PLXDC1: variants seen among roughly 807,000 people sequenced by gnomAD.
PLXDC1 encodes plexin domain-containing protein 1.
Under a neutral mutation model 61.3 loss-of-function variants are expected in PLXDC1, and 39 were observed. That is an observed-to-expected ratio of 0.64 (90% CI 0.49 to 0.83). The LOEUF is 0.83. Ranked by LOEUF, PLXDC1 falls within the 40% of genes least tolerant of loss-of-function variation. The probability of loss-of-function intolerance (pLI) is 0.00; values close to 1 mark genes in which losing one functional copy is unlikely to be tolerated. For missense variants in PLXDC1, 596 were observed against 666.5 expected, an observed-to-expected ratio of 0.89 and a Z score of 1.17; for synonymous variants, 212 against 254.5, an observed-to-expected ratio of 0.83 and a Z score of 1.59.
intron 2 of PLXDC1, among the ~76,000 whole-genome samples, chr17:39,121,518 A>T (rs1362679651): frequency 6.6e-6 from 1 of 152,174 alleles, no homozygotes; most frequent in Non-Finnish European, 1.5e-5. Context: ...CATTGGGAAA[A>T]AGAGTCCCAT....
intron 2 of PLXDC1, among the ~76,000 whole-genome samples, chr17:39,128,090 T>TATGTGTGTATATATATATATATATATA (rs1567769465): frequency 1.3e-5 from 1 of 78,876 alleles, no homozygotes; most frequent in African/African-American, 5.1e-5. Context: ...TCTCTCTCTC[T>TATGTGTGTATATATATATATATATATA]CTATGTGTAT....
intron 7 of PLXDC1, among the ~76,000 whole-genome samples, chr17:39,092,680 T>C (rs567743233): frequency 4.6e-5 from 7 of 152,300 alleles, no homozygotes; most frequent in African/African-American, 1.7e-4. Flanking sequence ...GGGGACGTTA[T>C]TTGCCCAAAG....
chr17:39,132,660 TGGCAGAGGCACTG>T, intron 2 of PLXDC1, among the ~76,000 whole-genome samples: 1 of 152,184 alleles, frequency 6.6e-6, no homozygotes, highest in Admixed American at 6.5e-5. Flanking sequence ...GGGGGGTGCC[TGGCAGAGGCACTG>T]GGCAGAGAGG....
chr17:39,128,083 C>CTATGTGTATATATATATATATA (rs2143831969), intron 2 of PLXDC1, among the ~76,000 whole-genome samples: 1 of 96,084 alleles, frequency 1.0e-5, no homozygotes, highest in South Asian at 3.8e-4. Flanking sequence ...CTCTCTCTCT[C>CTATGTGTATATATATATATATA]TCTCTCTCTA....
chr17:39,129,317 CAAA>C (rs35923960), intron 2 of PLXDC1, among the ~76,000 whole-genome samples: 37 of 109,078 alleles, frequency 3.4e-4, no homozygotes, highest in Admixed American at 5.0e-4. Flanking sequence ...GACTCTGTCT[CAAA>C]AAAAAAAAAA....
chr17:39,124,544 G>C (rs1178816228), intron 2 of PLXDC1, among the ~76,000 whole-genome samples: 2 of 152,190 alleles, frequency 1.3e-5, no homozygotes, highest in Non-Finnish European at 2.9e-5. Context: ...AGTGAACTAT[G>C]TTCACGCCAC....
chr17:39,126,887 T>C (rs745465045), intron 2 of PLXDC1: 39 of 152,174 alleles, frequency 2.6e-4, no homozygotes, highest in Non-Finnish European at 5.0e-4. Flanking sequence ...AACGATGTCA[T>C]TGGAGGACCT....
intron 2 of PLXDC1, among the ~76,000 whole-genome samples, chr17:39,118,569 G>A (rs556663300): frequency 2.0e-5 from 3 of 152,230 alleles, no homozygotes; most frequent in East Asian, 3.9e-4. Context: ...TAAAATTTCA[G>A]GTGTGACATT....
chr17:39,113,842 T>C (rs62076659), intron 2 of PLXDC1, among the ~76,000 whole-genome samples: 14,561 of 119,452 alleles, frequency 0.12, 802 homozygotes, highest in Non-Finnish European at 0.16. Flanking sequence ...ACAGTGAGAC[T>C]CTGTCTCAAA....
intron 2 of PLXDC1, among the ~76,000 whole-genome samples, chr17:39,119,561 A>G (rs1911093019): frequency 1.3e-5 from 2 of 152,118 alleles, no homozygotes; most frequent in South Asian, 4.1e-4. Context: ...CCTGGGCAAC[A>G]TGTTGAAACC....
intron 2 of PLXDC1, among the ~76,000 whole-genome samples, chr17:39,127,472 A>G (rs1170017861): frequency 6.6e-6 from 1 of 152,094 alleles, no homozygotes; most frequent in Non-Finnish European, 1.5e-5. Context: ...TTGCAATAAC[A>G]CTTCAGACAA....
chr17:39,131,371 G>A (rs1218481381), intron 2 of PLXDC1, among the ~76,000 whole-genome samples: 1 of 147,692 alleles, frequency 6.8e-6, no homozygotes, highest in African/African-American at 2.5e-5. Context: ...TTTTTTTTTA[G>A]GCGACAGAAT....
intron 9 of PLXDC1, among the ~76,000 whole-genome samples, chr17:39,081,835 G>T (rs1451005598): frequency 6.6e-6 from 1 of 151,960 alleles, no homozygotes; most frequent in Admixed American, 6.6e-5. Context: ...TTCAACTACA[G>T]GGGGGACTGA....
Position 39,106,489 on chromosome 17 carries a change from AT to A in PLXDC1, c.712-537del, listed in dbSNP as rs1195111417. Among the ~76,000 whole-genome samples the A allele has an allele frequency of 9.1e-5, 13 of 143,338 alleles. No homozygotes were observed. In the East Asian group the frequency reaches 1.0e-3, roughly 11 times the overall value. The allele number at this position is 143,338 out of a possible 152,430, so 94.0% of individuals were successfully genotyped here. Reference sequence around the variant, plus strand: ...CCTTCCAACCATGCTGCCTTCTTCTATTTTTTTTTTAATAGAGGTGTGTGTC... The same window carrying A: ...CCTTCCAACCATGCTGCCTTCTTCTATTTTTTTTTAATAGAGGTGTGTGTC... On this transcript the variant is annotated intron_variant, in intron 6 of 13. Transcript: ENST00000315392.
rs1156605215 is a variant in PLXDC1, at chr17:39,128,081, C to A, written c.255+11573G>T. 7.1e-5 allele frequency among the ~76,000 whole-genome samples: 7 copies of A among 98,204 alleles called. No individual in the cohort carries two copies. In the South Asian group the frequency reaches 1.5e-3, roughly 20 times the overall value. 64.4% of individuals were successfully genotyped at this position (98,204 alleles called of 152,430 possible). A position where few individuals can be genotyped will look rare whatever the true frequency, so the allele number is the denominator to read the frequency against. On this transcript the variant is annotated intron_variant, in intron 2 of 13. Transcript: ENST00000315392. Reference sequence around the variant, plus strand: ...TCTCTCTCTCTGTCTCTCTCTCTCTCTCTCTCTCTCTATGTGTATATATAT... The same window carrying A: ...TCTCTCTCTCTGTCTCTCTCTCTCTATCTCTCTCTCTATGTGTATATATAT...
At chr17:39,122,269 G>T (rs1354647372) in intron 2 of PLXDC1, among the ~76,000 whole-genome samples, 1 of 150,524 alleles carries the variant, frequency 6.6e-6, no homozygotes, top group Non-Finnish European at 1.5e-5. Flanking sequence ...GCCAGGCGTG[G>T]TGAGGCACAC....
At chr17:39,078,702 T>A (rs189685790) in intron 10 of PLXDC1, among the ~76,000 whole-genome samples, 1 of 152,260 alleles carries the variant, frequency 6.6e-6, no homozygotes, top group East Asian at 1.9e-4. Flanking sequence ...ACCACCCTTC[T>A]CACTCCCAGA....
At chr17:39,079,054 G>A in intron 10 of PLXDC1, 50 bp downstream of exon 10, 1 of 1,519,576 alleles carries the variant, frequency 6.6e-7, no homozygotes, top group Non-Finnish European at 9.1e-7. Flanking sequence ...CTGCCCTCCT[G>A]TTCCCCACCA....
chr17:39,131,393 G>A (rs1294615166), intron 2 of PLXDC1, among the ~76,000 whole-genome samples: 4 of 149,846 alleles, frequency 2.7e-5, no homozygotes, highest in African/African-American at 7.4e-5. Flanking sequence ...TCGCTCTGTC[G>A]CCCAGGCTGG....
Sources: gnomAD v4.1 joint callset for allele counts (sites outside exome capture counted in the v4.1 genomes callset) on GRCh38, gnomAD v4.1.1 for gene constraint, MANE v1.5 for transcripts, NCBI Gene and HGNC (gene_info 2026-07-23, HGNC 2026-07-21) for gene names.